Variants in ATXN1 observed in about 807,000 individuals in gnomAD.
ATXN1 encodes ataxin 1.
A neutral mutation model predicts 56.4 loss-of-function variants in ATXN1; 8 were observed. The observed-to-expected ratio is 0.14, with a 90% confidence interval of 0.08 to 0.26. The LOEUF (loss-of-function observed/expected upper bound fraction) is 0.26, where lower values mean the gene tolerates loss of function less well. Among genes scored for constraint, ATXN1 ranks in the 10% least tolerant of loss-of-function variants. The probability of loss-of-function intolerance (pLI) is 1.00; values close to 1 mark genes in which losing one functional copy is unlikely to be tolerated. For missense variants in ATXN1, 987 were observed against 1,106.5 expected (o/e 0.89, Z 1.53); for synonymous variants, 514 against 494.6 (o/e 1.04, Z -0.52).
intron 2 of ATXN1, among the ~76,000 whole-genome samples, chr6:16,723,324 G>A (rs551997528): frequency 6.6e-6 from 1 of 152,144 alleles, no homozygotes; most frequent in Admixed American, 6.5e-5. Context: ...AATAATTTTT[G>A]TATGATCCTT....
chr6:16,684,172 C>G (rs1453812886), intron 2 of ATXN1, among the ~76,000 whole-genome samples: 1 of 152,172 alleles, frequency 6.6e-6, no homozygotes, highest in East Asian at 1.9e-4. Flanking sequence ...TTGGAAAGAT[C>G]TTAGACTTGC....
At chr6:16,743,420 T>C (rs1236252957) in intron 2 of ATXN1, among the ~76,000 whole-genome samples, 2 of 152,206 alleles carry the variant, frequency 1.3e-5, no homozygotes, top group Non-Finnish European at 2.9e-5. Context: ...TCCACCACTG[T>C]GGTTCACAGG....
At chr6:16,398,483 TAC>T (rs1359805351) in intron 6 of ATXN1, among the ~76,000 whole-genome samples, 1 of 152,116 alleles carries the variant, frequency 6.6e-6, no homozygotes, top group Non-Finnish European at 1.5e-5. Flanking sequence ...GAGTTTATTT[TAC>T]ACACACACAC....
intron 4 of ATXN1, among the ~76,000 whole-genome samples, chr6:16,541,544 A>G (rs1322378494): frequency 6.6e-6 from 1 of 152,200 alleles, no homozygotes; most frequent in Non-Finnish European, 1.5e-5. Flanking sequence ...AAGTGTGCTC[A>G]AGGGCTTTGC....
intron 4 of ATXN1, among the ~76,000 whole-genome samples, chr6:16,574,941 A>G (rs185849643): frequency 6.6e-6 from 1 of 151,782 alleles, no homozygotes; most frequent in African/African-American, 2.4e-5. Context: ...GACCTTGACA[A>G]TTTTAAGGGG....
chr6:16,633,452 T>C (rs1237907474), intron 3 of ATXN1, among the ~76,000 whole-genome samples: 1 of 152,146 alleles, frequency 6.6e-6, no homozygotes, highest in African/African-American at 2.4e-5. Context: ...TGAGTCCTCA[T>C]TGTAATGTTT....
Position 16,504,897 on chromosome 6 carries a change from G to GC in ATXN1, c.-299+17729dup, listed in dbSNP as rs534692188. On this transcript the variant is annotated intron_variant, in intron 5 of 7. Transcript: ENST00000436367. ...AGGAGTCCTCCTGGGGGAAAGAGCT[G>GC]CAACACCTGCTATTCTACTTTGCAT... 3.9e-5 allele frequency among the ~76,000 whole-genome samples: 6 copies of GC among 152,046 alleles called. No individual in the cohort carries two copies. In the East Asian group the frequency reaches 1.2e-3, roughly 29 times the overall value.
chr6:16,351,953 T>C (rs1459768774), intron 6 of ATXN1, among the ~76,000 whole-genome samples: 1 of 152,226 alleles, frequency 6.6e-6, no homozygotes, highest in Non-Finnish European at 1.5e-5. Flanking sequence ...ACAGGTTAGT[T>C]TGGCCTTTGC....
chr6:16,534,874 G>C (rs1307183057), intron 4 of ATXN1, among the ~76,000 whole-genome samples: 1 of 152,196 alleles, frequency 6.6e-6, no homozygotes, highest in African/African-American at 2.4e-5. Flanking sequence ...TCTTAGGCTA[G>C]GTCGCACCAG....
intron 6 of ATXN1, among the ~76,000 whole-genome samples, chr6:16,431,702 G>T (rs534308654): frequency 2.6e-5 from 4 of 152,250 alleles, no homozygotes; most frequent in African/African-American, 7.2e-5. Context: ...AGAAACTAAG[G>T]CAGGGAGAAC....
chr6:16,311,465 GCATGAGCT>G (rs1299410868), intron 7 of ATXN1, among the ~76,000 whole-genome samples: 7 of 152,182 alleles, frequency 4.6e-5, no homozygotes, highest in Admixed American at 6.5e-5. Context: ...GGATCCAAAG[GCATGAGCT>G]CATGGGCTTG....
intron 5 of ATXN1, among the ~76,000 whole-genome samples, chr6:16,518,230 G>C (rs946211490): frequency 6.6e-6 from 1 of 152,192 alleles, no homozygotes; most frequent in African/African-American, 2.4e-5. Context: ...CCCCACCCCA[G>C]CTTTCTATGG....
chr6:16,325,698 T>C (rs1046052711), intron 7 of ATXN1, among the ~76,000 whole-genome samples: 13 of 151,916 alleles, frequency 8.6e-5, no homozygotes, highest in Admixed American at 2.6e-4. Flanking sequence ...ATAAAAATTA[T>C]CTCGTCAAAG....
chr6:16,686,438 G>A (rs560386774), intron 2 of ATXN1, among the ~76,000 whole-genome samples: 1 of 152,250 alleles, frequency 6.6e-6, no homozygotes, highest in South Asian at 2.1e-4. Context: ...TATTCCACGA[G>A]ACAGCCAGGC....
Position 16,737,987 on chromosome 6 carries a change from C to T in ATXN1, c.-615+15246G>A, listed in dbSNP as rs1471983605. On this transcript the variant is annotated intron_variant, in intron 2 of 7. Transcript: ENST00000436367. ...AAAGCAGAATAGGGCTAAAACCTAA[C>T]AGAACTTTATTCCTCGAGAAGCTTT... 4 of 152,246 alleles carry T rather than the reference C, an allele frequency of 2.6e-5. No homozygotes were observed. The South Asian group carries it at 6.2e-4, about 24-fold the overall frequency. 9.4% of individuals were successfully genotyped at this position (152,246 alleles called of 1,614,324 possible).
intron 2 of ATXN1, among the ~76,000 whole-genome samples, chr6:16,742,269 C>T (rs1217367965): frequency 6.6e-6 from 1 of 152,096 alleles, no homozygotes; most frequent in African/African-American, 2.4e-5. Flanking sequence ...TTCTTTCCCA[C>T]TTCCTTAGAT....
chr6:16,547,967 T>C (rs1269600370), intron 4 of ATXN1, among the ~76,000 whole-genome samples: 1 of 152,176 alleles, frequency 6.6e-6, no homozygotes, highest in South Asian at 2.1e-4. Flanking sequence ...CCTACAGGCA[T>C]GTGTTGGGTA....
At chr6:16,611,711 GAATT>G (rs1480794983) in intron 3 of ATXN1, among the ~76,000 whole-genome samples, 4 of 151,812 alleles carry the variant, frequency 2.6e-5, no homozygotes, top group African/African-American at 9.7e-5. Context: ...ACATTCCAAA[GAATT>G]AAGTCAAAAT....
intron 2 of ATXN1, among the ~76,000 whole-genome samples, chr6:16,733,303 G>A (rs1158606101): frequency 6.6e-6 from 1 of 152,240 alleles, no homozygotes; most frequent in Non-Finnish European, 1.5e-5. Flanking sequence ...GCTCATGTCT[G>A]TAATCCCAAC....
Sources: allele counts gnomAD v4.1 joint callset (sites outside exome capture counted in the v4.1 genomes callset), GRCh38; gene constraint gnomAD v4.1.1; transcripts MANE v1.5; gene names NCBI Gene and HGNC (gene_info 2026-07-23, HGNC 2026-07-21).